PCNX1: variants seen among roughly 807,000 people sequenced by gnomAD.
PCNX1 encodes pecanex-like protein 1.
A neutral mutation model predicts 242.2 loss-of-function variants in PCNX1; 78 were observed. The ratio of observed to expected loss-of-function variants is 0.32; its 90% CI spans 0.27 to 0.39. The LOEUF is 0.39. Among genes scored for constraint, PCNX1 ranks in the 10% least tolerant of loss-of-function variants. The pLI, the probability that PCNX1 is intolerant of heterozygous loss-of-function variation, is 1.00. For missense variants in PCNX1, 2,581 were observed against 2,856.5 expected (o/e 0.90, Z 2.20); for synonymous variants, 1,024 against 1,032.9 (o/e 0.99, Z 0.17).
intron 28 of PCNX1, among the ~76,000 whole-genome samples, 176 bp downstream of exon 28, chr14:71,076,595 T>G (rs939969320): frequency 4.6e-5 from 7 of 152,142 alleles, no homozygotes; most frequent in Admixed American, 6.5e-5. Context: ...CCAAAACAGG[T>G]TAAAGGAAGT....
Position 71,102,131 on chromosome 14 carries a change from C to T in PCNX1, c.5731C>T (p.Leu1911Phe). Residue 1911 changes from leucine to phenylalanine, a missense_variant, in exon 31 of 36, where the codon CTT becomes TTT. Transcript: ENST00000304743. The stretch of plus-strand genomic sequence containing the variant: ...AGTACTTGCCAACTCTCCCTCCTTG[C>T]TTGCTCTGCGGCATGTCATGGATGA... ...SAVLANSPSLLALRHVMDDGT... is the reference protein window; with the variant it reads ...SAVLANSPSLFALRHVMDDGT... 6.2e-7 allele frequency: 1 copy of T among 1,614,088 alleles called. No individual in the cohort carries two copies. Among genetic ancestry groups the T allele is most frequent in the Non-Finnish European group, 8.5e-7 (1 of 1,179,958 alleles).
In PCNX1 at chr14:71,009,703, C is replaced by T. The variant is rs746620363; in HGVS notation, c.2699C>T (p.Ala900Val). The T allele has an allele frequency of 1.3e-6, 2 of 1,598,426 alleles. No individual in the cohort carries two copies. The highest frequency in any genetic ancestry group is 3.3e-5 in the Admixed American group (2 of 59,882). ...TCACTTGTGAATTTTGAACCAGCAG[C>T]AAGAAGAGCATCCAATATCTGGTAT... The part of the protein sequence containing the change: ...DMSLVNFEPA[A>V]RRASNICDTD... The change falls in exon 9 of 36, where the codon GCA becomes GTA. Residue 900 changes from alanine (A) to valine (V), a missense_variant. Ala to Val is a moderately conservative substitution (Grantham distance 64). Coordinates refer to ENST00000304743, the MANE Select transcript of PCNX1 (RefSeq NM_014982.3).
chr14:70,958,815 C>G (rs1359875170), intron 2 of PCNX1, among the ~76,000 whole-genome samples: 17 of 149,400 alleles, frequency 1.1e-4, no homozygotes, highest in Admixed American at 1.1e-3. Flanking sequence ...GAGCCCACCC[C>G]TAAACCTGAG....
intron 30 of PCNX1, among the ~76,000 whole-genome samples, chr14:71,098,046 T>A (rs1324342690): frequency 1.3e-5 from 2 of 152,224 alleles, no homozygotes; most frequent in Non-Finnish European, 2.9e-5. Context: ...TAGGGAGTCC[T>A]TTCTCCATTG....
intron 22 of PCNX1, among the ~76,000 whole-genome samples, chr14:71,048,405 G>A (rs1369360163): frequency 6.6e-6 from 1 of 152,148 alleles, no homozygotes; most frequent in Non-Finnish European, 1.5e-5. Flanking sequence ...GATATTTGCA[G>A]AATACTCTGA....
intron 6 of PCNX1, among the ~76,000 whole-genome samples, chr14:70,979,229 ATTC>A (rs1468413181): frequency 6.6e-6 from 1 of 152,128 alleles, no homozygotes; most frequent in African/African-American, 2.4e-5. Context: ...TTCACACATT[ATTC>A]TTAAAGTTTA....
In PCNX1 at chr14:71,012,467, T is replaced by C. The variant is rs546348727; in HGVS notation, c.2779-518T>C. ...TAGTCAATTATTTACAATAGGTTTATTGATTAATTAACTTTGTTTTAGTTC... is the reference window on the plus strand; with the variant it reads ...TAGTCAATTATTTACAATAGGTTTACTGATTAATTAACTTTGTTTTAGTTC... On this transcript the variant is annotated intron_variant, in intron 10 of 35. Transcript: ENST00000304743. The C allele has an allele frequency of 1.1e-4, 18 of 161,788 alleles. 1 individual carries two copies. In the South Asian group the frequency reaches 2.2e-3, roughly 19 times the overall value. 10.0% of individuals were successfully genotyped at this position (161,788 alleles called of 1,614,324 possible). A position where few individuals can be genotyped will look rare whatever the true frequency, so the allele number is the denominator to read the frequency against.
intron 26 of PCNX1, among the ~76,000 whole-genome samples, chr14:71,064,451 T>G (rs1341111736): frequency 6.6e-6 from 1 of 152,172 alleles, no homozygotes; most frequent in Non-Finnish European, 1.5e-5. Context: ...TCCAAACTTT[T>G]ACATTTCCTC....
intron 8 of PCNX1, among the ~76,000 whole-genome samples, chr14:71,007,482 CTT>C (rs944597176): frequency 6.6e-5 from 10 of 152,028 alleles, no homozygotes; most frequent in African/African-American, 2.4e-4. Flanking sequence ...ACAGAATTAA[CTT>C]ATTTCTAAAA....
At chr14:70,967,850 C>T (rs1595083138) in intron 3 of PCNX1, among the ~76,000 whole-genome samples, 1 of 152,058 alleles carries the variant, frequency 6.6e-6, no homozygotes, top group East Asian at 1.9e-4. Context: ...CCTGGTTTTG[C>T]TTTTGTTTAT....
intron 26 of PCNX1, among the ~76,000 whole-genome samples, chr14:71,065,799 A>G (rs927277403): frequency 6.6e-6 from 1 of 152,198 alleles, no homozygotes; most frequent in Non-Finnish European, 1.5e-5. Flanking sequence ...TATAAGGTGT[A>G]AGGAAGGGGT....
intron 1 of PCNX1, among the ~76,000 whole-genome samples, chr14:70,914,237 CA>C (rs1281861167): frequency 6.6e-6 from 1 of 152,108 alleles, no homozygotes; most frequent in African/African-American, 2.4e-5. Context: ...CTACTGTGTT[CA>C]CTACTTGGGT....
intron 1 of PCNX1, among the ~76,000 whole-genome samples, chr14:70,917,627 T>G (rs775387755): frequency 6.6e-6 from 1 of 152,230 alleles, no homozygotes; most frequent in Non-Finnish European, 1.5e-5. Context: ...CTGGGCTTTA[T>G]TGTTCCATTT....
At chr14:71,039,118 T>C (rs2060632142) in intron 19 of PCNX1, among the ~76,000 whole-genome samples, 1 of 151,878 alleles carries the variant, frequency 6.6e-6, no homozygotes. Flanking sequence ...ATATACCTAA[T>C]GCTAGATGAC....
At chr14:71,065,737 A>T (rs2061429891) in intron 26 of PCNX1, among the ~76,000 whole-genome samples, 2 of 152,026 alleles carry the variant, frequency 1.3e-5, no homozygotes, top group South Asian at 4.1e-4. Context: ...TAGAGTTTTT[A>T]TGGTTTTAGG....
intron 1 of PCNX1, among the ~76,000 whole-genome samples, chr14:70,914,160 A>T (rs2056050102): frequency 6.6e-6 from 1 of 152,222 alleles, no homozygotes; most frequent in South Asian, 2.1e-4. Flanking sequence ...GATACAAAGA[A>T]GGGAACAATA....
At chr14:70,989,035 C>T (rs1276321031) in intron 7 of PCNX1, among the ~76,000 whole-genome samples, 12 of 151,648 alleles carry the variant, frequency 7.9e-5, no homozygotes, top group Non-Finnish European at 1.5e-5. Flanking sequence ...AATATTTTCC[C>T]CAATATTTTG....
intron 1 of PCNX1, among the ~76,000 whole-genome samples, chr14:70,908,972 T>TA (rs1369450232): frequency 6.6e-6 from 1 of 152,244 alleles, no homozygotes; most frequent in East Asian, 1.9e-4. Context: ...TATAAAATTT[T>TA]AAAGTAGTCA....
At chr14:71,052,581 C>A (rs1163663637) in intron 24 of PCNX1, among the ~76,000 whole-genome samples, 2 of 106,674 alleles carry the variant, frequency 1.9e-5, no homozygotes, top group African/African-American at 8.5e-5. Context: ...TATATTTTTT[C>A]TTTCAGTAAT....
Sources: gnomAD v4.1 joint callset for allele counts (sites outside exome capture counted in the v4.1 genomes callset) on GRCh38, gnomAD v4.1.1 for gene constraint, MANE v1.5 for transcripts, NCBI Gene and HGNC (gene_info 2026-07-23, HGNC 2026-07-21) for gene names.